LMX1A: variants seen among roughly 807,000 people sequenced by gnomAD.
LMX1A encodes LIM homeobox transcription factor 1-alpha.
In LMX1A, 15 loss-of-function variants were observed where a neutral mutation model predicts 49.1. That is an observed-to-expected ratio of 0.31 (90% confidence interval 0.20 to 0.47). LMX1A has a LOEUF of 0.47. Ranked by LOEUF, LMX1A falls within the 20% of genes least tolerant of loss-of-function variation. The probability of loss-of-function intolerance (pLI) is 1.00; values close to 1 mark genes in which losing one functional copy is unlikely to be tolerated. For synonymous variants in LMX1A, 167 were observed against 185.7 expected, an observed-to-expected ratio of 0.90 and a Z score of 0.82; for missense variants, 372 against 475.8, an observed-to-expected ratio of 0.78 and a Z score of 2.03.
chr1:165,240,128 T>A (rs1362845820), intron 4 of LMX1A, among the ~76,000 whole-genome samples: 1 of 152,190 alleles, frequency 6.6e-6, no homozygotes, highest in African/African-American at 2.4e-5. Context: ...TCAGTCTAAG[T>A]GTTGAAACTT....
At chr1:165,224,014 T>C (rs1651948119) in intron 4 of LMX1A, among the ~76,000 whole-genome samples, 2 of 152,170 alleles carry the variant, frequency 1.3e-5, no homozygotes, top group African/African-American at 4.8e-5. Flanking sequence ...TAATCCCCAA[T>C]GTTGAAGGCA....
Position 165,203,890 on chromosome 1 carries a change from AAGTAAGAATTCTGCATGG to A in LMX1A, c.1121_1138del (p.Ser374_Tyr379del). 6.2e-7 allele frequency: 1 copy of A among 1,614,014 alleles called. No individual in the cohort carries two copies. The highest frequency in any genetic ancestry group is 8.5e-7 in the Non-Finnish European group (1 of 1,179,930). On this transcript the variant is annotated inframe_deletion, in exon 9 of 9. Coordinates refer to ENST00000342310, the MANE Select transcript of LMX1A (RefSeq NM_177398.4). ...ACTCTAGGGGAAGACTCAAGATGTG[AAGTAAGAATTCTGCATGG>A]AGTACAGATGGTCAATGGGGTTTCC...
intron 2 of LMX1A, among the ~76,000 whole-genome samples, chr1:165,354,033 T>A (rs889636745): frequency 1.3e-5 from 2 of 152,170 alleles, no homozygotes; most frequent in African/African-American, 2.4e-5. Context: ...GGAAATCCAC[T>A]CTTTGCTACC....
At chr1:165,297,617 G>A (rs1056571065) in intron 3 of LMX1A, among the ~76,000 whole-genome samples, 3 of 152,206 alleles carry the variant, frequency 2.0e-5, no homozygotes, top group African/African-American at 7.2e-5. Context: ...CTAGTGGCTA[G>A]AGTCTAGTAG....
chr1:165,213,163 C>T (rs1651486178), intron 5 of LMX1A: 1 of 153,294 alleles, frequency 6.5e-6, no homozygotes, highest in African/African-American at 2.4e-5. Flanking sequence ...GAAACAACCC[C>T]AAACACCCAT....
chr1:165,206,821 T>C (rs1651103093), intron 7 of LMX1A, among the ~76,000 whole-genome samples: 1 of 152,192 alleles, frequency 6.6e-6, no homozygotes, highest in Admixed American at 6.5e-5. Context: ...TCCCCACACC[T>C]ATGCCCTGTT....
chr1:165,287,563 G>T (rs1013177741), intron 3 of LMX1A, among the ~76,000 whole-genome samples: 3 of 152,030 alleles, frequency 2.0e-5, no homozygotes, highest in Admixed American at 6.5e-5. Flanking sequence ...GTGAAGGTGG[G>T]TCCCTCTGCC....
chr1:165,333,487 T>G (rs1557887822), intron 3 of LMX1A, among the ~76,000 whole-genome samples: 1 of 152,148 alleles, frequency 6.6e-6, no homozygotes, highest in Non-Finnish European at 1.5e-5. Flanking sequence ...TTGCTTTTTA[T>G]CCTTCAAGGA....
intron 3 of LMX1A, among the ~76,000 whole-genome samples, chr1:165,294,343 C>T (rs900036939): frequency 2.6e-5 from 4 of 152,218 alleles, no homozygotes; most frequent in Non-Finnish European, 4.4e-5. Context: ...AAATTATAAG[C>T]AAAGTGCCGG....
chr1:165,328,126 C>T (rs1402443686), intron 3 of LMX1A, among the ~76,000 whole-genome samples: 9 of 152,212 alleles, frequency 5.9e-5, no homozygotes, highest in Non-Finnish European at 1.2e-4. Flanking sequence ...ATTGCATTAA[C>T]AAAAACACCA....
At chr1:165,353,467 G>C (rs1557894261) in intron 2 of LMX1A, among the ~76,000 whole-genome samples, 1 of 152,116 alleles carries the variant, frequency 6.6e-6, no homozygotes, top group Non-Finnish European at 1.5e-5. Context: ...TATGTGAGAA[G>C]GTTTAATTCC....
At chr1:165,226,649 G>A (rs1030597055) in intron 4 of LMX1A, among the ~76,000 whole-genome samples, 4 of 152,214 alleles carry the variant, frequency 2.6e-5, no homozygotes, top group African/African-American at 7.2e-5. Flanking sequence ...AAGAGGTGCT[G>A]AGCTTAACCT....
intron 3 of LMX1A, among the ~76,000 whole-genome samples, chr1:165,252,374 A>G (rs923322915): frequency 6.6e-6 from 1 of 152,218 alleles, no homozygotes; most frequent in Non-Finnish European, 1.5e-5. Flanking sequence ...AGGGCAACCT[A>G]TGAAAAAACT....
intron 3 of LMX1A, among the ~76,000 whole-genome samples, chr1:165,323,651 T>C (rs1655485122): frequency 6.6e-6 from 1 of 152,230 alleles, no homozygotes; most frequent in South Asian, 2.1e-4. Flanking sequence ...TTTAAAGATC[T>C]GAATCCAAAT....
chr1:165,221,385 C>T (rs990380678), intron 4 of LMX1A, among the ~76,000 whole-genome samples: 5 of 152,024 alleles, frequency 3.3e-5, no homozygotes, highest in East Asian at 1.9e-4. Context: ...CAGACCCTCC[C>T]GTCTCCCCCC....
At chr1:165,331,062 C>A (rs1283887661) in intron 3 of LMX1A, among the ~76,000 whole-genome samples, 2 of 152,108 alleles carry the variant, frequency 1.3e-5, no homozygotes, top group Non-Finnish European at 2.9e-5. Context: ...ATGAACATAA[C>A]AATTCAGGTT....
At position 165,231,899 on chromosome 1, in the gene LMX1A, G is replaced by C. The variant is rs551452293; in HGVS notation, c.496+17509C>G. 1.6e-4 allele frequency among the ~76,000 whole-genome samples: 25 copies of C among 152,268 alleles called. No homozygotes were observed. In the East Asian group the frequency reaches 3.1e-3, roughly 19 times the overall value. On this transcript the variant is annotated intron_variant, in intron 4 of 8. Transcript: ENST00000342310. Reference sequence around the variant, plus strand: ...TAATGATTACAAATCTGCGATTCCTGGGAATTCGCCTATACAGACTATCCA... The same window carrying C: ...TAATGATTACAAATCTGCGATTCCTCGGAATTCGCCTATACAGACTATCCA...
At chr1:165,309,089 T>G (rs1172072122) in intron 3 of LMX1A, among the ~76,000 whole-genome samples, 1 of 152,108 alleles carries the variant, frequency 6.6e-6, no homozygotes, top group Non-Finnish European at 1.5e-5. Context: ...CCTTGGGTGA[T>G]TGGAGGGGAG....
At chr1:165,261,854 T>C (rs972402198) in intron 3 of LMX1A, among the ~76,000 whole-genome samples, 2 of 152,124 alleles carry the variant, frequency 1.3e-5, no homozygotes, top group African/African-American at 4.8e-5. Context: ...AGTAGAACAG[T>C]TGCTTCCAGG....
Sources: gnomAD v4.1 joint callset for allele counts (sites outside exome capture counted in the v4.1 genomes callset) on GRCh38, gnomAD v4.1.1 for gene constraint, MANE v1.5 for transcripts, NCBI Gene and HGNC (gene_info 2026-07-23, HGNC 2026-07-21) for gene names.